RPS20: variants seen among roughly 807,000 people sequenced by gnomAD.
The protein encoded by RPS20 is ribosomal protein S20.
RPS20 carries 3 observed loss-of-function variants against 15.3 expected under a neutral mutation model. That is an observed-to-expected ratio of 0.20 (90% confidence interval 0.09 to 0.51). The LOEUF is 0.51. Ranked by LOEUF, RPS20 falls within the 20% of genes least tolerant of loss-of-function variation. RPS20 has a pLI of 0.96. For synonymous variants in RPS20, 62 were observed against 47.8 expected, an observed-to-expected ratio of 1.30 and a Z score of -1.23; for missense variants, 67 against 145.9, an observed-to-expected ratio of 0.46 and a Z score of 2.79.
rs1457248839 is a variant in RPS20, at chr8:56,074,463, G to C, written c.-80C>G. The C allele has an allele frequency of 1.3e-6, 2 of 1,495,904 alleles. No homozygotes were observed. The highest frequency in any genetic ancestry group is 4.9e-5 in the East Asian group (2 of 40,780). 92.7% of individuals were successfully genotyped at this position (1,495,904 alleles called of 1,614,324 possible). On this transcript the variant is annotated 5_prime_UTR_variant, in exon 1 of 4. Coordinates refer to ENST00000009589, the MANE Select transcript of RPS20 (RefSeq NM_001023.4). ...GGTGAGTCAGGAGCAGGAGCGTGCG[G>C]ACCAAAAATCCTCAGCCCTTACGAC... is the stretch of plus-strand genomic sequence containing the variant.
At chr8:56,070,923 A>G (rs964128550), downstream of RPS20, among the ~76,000 whole-genome samples, 1 of 152,132 alleles carries the variant, frequency 6.6e-6, no homozygotes, top group Non-Finnish European at 1.5e-5. Context: ...ATGGCCTGTT[A>G]ACTTGCATAG....
At chr8:56,072,591 T>C (rs943801917), downstream of RPS20, among the ~76,000 whole-genome samples, 21 of 150,960 alleles carry the variant, frequency 1.4e-4, no homozygotes, top group African/African-American at 5.1e-4. Flanking sequence ...ATATTTAAAA[T>C]ATAAAACACT....
chr8:56,070,273 A>G (rs1293309853), downstream of RPS20, among the ~76,000 whole-genome samples: 1 of 152,178 alleles, frequency 6.6e-6, no homozygotes, highest in Non-Finnish European at 1.5e-5. Context: ...CTCATTTGGC[A>G]CATAACTGAG....
chr8:56,067,575 A>G (rs191511130), exon 6 of RPS20: 1 of 151,772 alleles, frequency 6.6e-6, no homozygotes, highest in Non-Finnish European at 1.5e-5. Flanking sequence ...AGTCCCAGCT[A>G]CTCAGGAGGC....
chr8:56,068,296 G>A (rs1488314545), downstream of RPS20: 1 of 152,094 alleles, frequency 6.6e-6, no homozygotes, highest in Non-Finnish European at 1.5e-5. Context: ...TAATTTAAAA[G>A]ATTTGCTGAG....
At chr8:56,074,265 C>G (rs752702767) in intron 1 of RPS20, 106 bp from the exon 2 acceptor site, 2 of 1,518,170 alleles carry the variant, frequency 1.3e-6, no homozygotes, top group Non-Finnish European at 1.8e-6. Context: ...ATTTCAGGAG[C>G]GCCTTTCCGC....
Position 56,074,471 on chromosome 8 carries a change from A to C in RPS20, c.-88T>G, listed in dbSNP as rs1448170392. 1.4e-6 allele frequency: 2 copies of C among 1,448,278 alleles called. No individual in the cohort carries two copies. Among genetic ancestry groups the C allele is most frequent in the African/African-American group, 1.4e-5 (1 of 70,808 alleles). 89.7% of individuals were successfully genotyped at this position (1,448,278 alleles called of 1,614,324 possible). On this transcript the variant is annotated 5_prime_UTR_variant, in exon 1 of 4. Transcript: ENST00000009589. ...AGGAGCAGGAGCGTGCGGACCAAAA[A>C]TCCTCAGCCCTTACGACCGCGTCTT...
chr8:56,071,251 AT>A (rs1478383084), downstream of RPS20, among the ~76,000 whole-genome samples: 8 of 152,034 alleles, frequency 5.3e-5, no homozygotes, highest in Non-Finnish European at 1.2e-4. Flanking sequence ...CTTTAGTGAC[AT>A]TTTTTTCAGA....
chr8:56,074,138 T>G lies in RPS20; in HGVS notation c.25A>C (p.Thr9Pro), dbSNP rs202038859. The change falls in exon 2 of 4, where the codon ACA (threonine) becomes CCA (proline). Residue 9 changes from threonine (T) to proline (P), a missense_variant. Transcript: ENST00000009589. Reference sequence around the variant, plus strand: ...ATTGCCACCTCCGGCTCCACGGGTGTTTTTCCGGTATCCTTAAAAGCCTAT... The same window carrying G: ...ATTGCCACCTCCGGCTCCACGGGTGGTTTTCCGGTATCCTTAAAAGCCTAT... Reference protein sequence around the residue: MAFKDTGKTPVEPEVAIHR... With the variant: MAFKDTGKPPVEPEVAIHR... 1.2e-6 allele frequency: 2 copies of G among 1,612,676 alleles called. No homozygotes were observed. The highest frequency in any genetic ancestry group is 2.2e-5 in the South Asian group (2 of 91,080).
In RPS20 at chr8:56,073,289, A is replaced by C. The variant is rs1563347663; in HGVS notation, c.178-17T>G. 9 of 1,501,410 alleles carry C rather than the reference A, an allele frequency of 6.0e-6. No homozygotes were observed. Among genetic ancestry groups the C allele is most frequent in the Non-Finnish European group, 9.3e-7 (1 of 1,080,372 alleles). The allele number at this position is 1,501,410 out of a possible 1,614,324, so 93.0% of individuals were successfully genotyped here. A position where few individuals can be genotyped will look rare whatever the true frequency, so the allele number is the denominator to read the frequency against. ...TCTCAAAGTCTGTAACAAAAGACAA[A>C]GGAAACCAAGTGTTTATCGTTTTAT... is the stretch of plus-strand genomic sequence containing the variant. On this transcript the variant is annotated splice_polypyrimidine_tract_variant and intron_variant, in intron 3 of 3. Coordinates refer to ENST00000009589, the MANE Select transcript of RPS20 (RefSeq NM_001023.4).
At chr8:56,068,760 A>G (rs1809675517), downstream of RPS20, among the ~76,000 whole-genome samples, 1 of 134,510 alleles carries the variant, frequency 7.4e-6, no homozygotes, top group Non-Finnish European at 1.6e-5. Flanking sequence ...TCAATTTGAC[A>G]GTGTTTCTTA....
At position 56,074,434 on chromosome 8, in the gene RPS20, C is replaced by T. The variant is rs761689876; in HGVS notation, c.-51G>A. The T allele has an allele frequency of 1.9e-6, 3 of 1,544,774 alleles. No individual in the cohort carries two copies. The South Asian group carries it at 3.5e-5, about 18-fold the overall frequency. ...CGACTTGTTCCTCGGCGAGAGCGAA[C>T]AGCGGTGAGTCAGGAGCAGGAGCGT... On this transcript the variant is annotated 5_prime_UTR_variant, in exon 1 of 4. Transcript: ENST00000009589.
chr8:56,067,557 G>GCTA (rs1356600755), exon 6 of RPS20: 1 of 151,906 alleles, frequency 6.6e-6, no homozygotes, highest in Non-Finnish European at 1.5e-5. Flanking sequence ...TTAGTGGTGG[G>GCTA]CGCCTGTAGT....
intron 3 of RPS20, 189 bp downstream of exon 3, chr8:56,073,506 C>G: frequency 1.5e-6 from 1 of 649,078 alleles, no homozygotes; most frequent in African/African-American, 1.8e-5. Flanking sequence ...AAGAACACAG[C>G]AACAATAATT....
downstream of RPS20, among the ~76,000 whole-genome samples, chr8:56,068,689 G>C (rs144903916): frequency 6.6e-6 from 1 of 150,998 alleles, no homozygotes; most frequent in Non-Finnish European, 1.5e-5. Flanking sequence ...TTGTATACCA[G>C]ATATATGATA....
At chr8:56,069,103 G>A, downstream of RPS20, among the ~76,000 whole-genome samples, 1 of 151,916 alleles carries the variant, frequency 6.6e-6, no homozygotes, top group East Asian at 1.9e-4. Context: ...GCAAAAATAA[G>A]TAAATAAATA....
downstream of RPS20, among the ~76,000 whole-genome samples, chr8:56,072,554 C>A (rs943705155): frequency 9.5e-5 from 14 of 147,640 alleles, no homozygotes; most frequent in Non-Finnish European, 1.6e-4. Context: ...GCCGTCCCCC[C>A]CCCCAAAAAA....
At chr8:56,071,272 C>T (rs1809747805), downstream of RPS20, among the ~76,000 whole-genome samples, 1 of 152,142 alleles carries the variant, frequency 6.6e-6, no homozygotes, top group East Asian at 1.9e-4. Context: ...AATTTCATTT[C>T]CTCAGTCAGT....
At chr8:56,068,632 G>T (rs1209278636), downstream of RPS20, 4 of 150,424 alleles carry the variant, frequency 2.7e-5, no homozygotes, top group East Asian at 7.7e-4. Flanking sequence ...GTCCCAGAAA[G>T]AAGAGAGACA....
Sources: gnomAD v4.1 joint callset for allele counts (sites outside exome capture counted in the v4.1 genomes callset) on GRCh38, gnomAD v4.1.1 for gene constraint, MANE v1.5 for transcripts, NCBI Gene and HGNC (gene_info 2026-07-23, HGNC 2026-07-21) for gene names.